Variants in SLC4A4 observed in about 807,000 individuals in gnomAD.
SLC4A4 encodes the protein electrogenic sodium bicarbonate cotransporter 1.
A neutral mutation model predicts 111.5 loss-of-function variants in SLC4A4; 27 were observed. The observed-to-expected ratio is 0.24, with a 90% confidence interval of 0.18 to 0.33. The LOEUF is 0.33. Ranked by LOEUF, SLC4A4 falls within the 10% of genes least tolerant of loss-of-function variation. SLC4A4 has a pLI of 1.00. For synonymous variants in SLC4A4, 443 were observed against 463.4 expected (o/e 0.96, Z 0.57); for missense variants, 909 against 1,315.5 (o/e 0.69, Z 4.78).
chr4:71,258,334 C>T lies in SLC4A4; in HGVS notation c.253+2935C>T, dbSNP rs553501279. ...TTCTGGCTTTTAAATTTTACCTCTT[C>T]AGAGAGTCCTTTCCTTACTACTCTC... On this transcript the variant is annotated intron_variant, in intron 3 of 25. Transcript: ENST00000264485. 3.7e-3 allele frequency among the ~76,000 whole-genome samples: 563 copies of T among 152,326 alleles called. 2 individuals are homozygous for T. Among genetic ancestry groups the T allele is most frequent in the Non-Finnish European group, 5.5e-3 (371 of 68,032 alleles).
chr4:71,394,993 G>C (rs193045998), intron 6 of SLC4A4, among the ~76,000 whole-genome samples: 1 of 152,240 alleles, frequency 6.6e-6, no homozygotes. Context: ...TGGGTGATGA[G>C]TGCATCAAAA....
chr4:71,100,576 A>G, intron 2 of SLC4A4, among the ~76,000 whole-genome samples: 1 of 152,194 alleles, frequency 6.6e-6, no homozygotes, highest in East Asian at 1.9e-4. Flanking sequence ...TATTCAACAT[A>G]GTATTGTAAG....
At chr4:71,135,785 A>G (rs911515951) in intron 2 of SLC4A4, among the ~76,000 whole-genome samples, 1 of 151,506 alleles carries the variant, frequency 6.6e-6, no homozygotes, top group African/African-American at 2.4e-5. Flanking sequence ...TTATGAGTTC[A>G]CCTTTTTTAG....
At chr4:71,363,321 C>G (rs1038886375) in intron 6 of SLC4A4, among the ~76,000 whole-genome samples, 1 of 152,182 alleles carries the variant, frequency 6.6e-6, no homozygotes, top group African/African-American at 2.4e-5. Flanking sequence ...CCCATTCAGA[C>G]TATTTGGTTT....
At chr4:71,388,237 ATTG>A (rs965412927) in intron 6 of SLC4A4, among the ~76,000 whole-genome samples, 45 of 152,062 alleles carry the variant, frequency 3.0e-4, no homozygotes, top group African/African-American at 8.0e-4. Flanking sequence ...TTTCTTCATA[ATTG>A]TTGTGTGTGT....
At chr4:71,350,617 A>G (rs900516812) in intron 5 of SLC4A4, among the ~76,000 whole-genome samples, 4 of 152,176 alleles carry the variant, frequency 2.6e-5, no homozygotes, top group African/African-American at 9.7e-5. Flanking sequence ...AGAACCAAGT[A>G]TATGTACATC....
At chr4:71,519,720 C>T (rs551046354) in intron 16 of SLC4A4, among the ~76,000 whole-genome samples, 18 of 152,196 alleles carry the variant, frequency 1.2e-4, no homozygotes, top group African/African-American at 3.9e-4. Flanking sequence ...CTGTAACCTC[C>T]GCCTCCTGGG....
chr4:71,177,772 G>A (rs1413653716), intron 2 of SLC4A4, among the ~76,000 whole-genome samples: 6 of 151,868 alleles, frequency 4.0e-5, no homozygotes, highest in Non-Finnish European at 8.8e-5. Context: ...CAGATGAATG[G>A]GACAGAAAGT....
intron 1 of SLC4A4, among the ~76,000 whole-genome samples, chr4:71,190,538 G>A (rs894281697): frequency 6.6e-6 from 1 of 152,100 alleles, no homozygotes; most frequent in African/African-American, 2.4e-5. Context: ...GGTAGTCTCA[G>A]CAGTGCAATG....
rs958118672 is a variant in SLC4A4, at chr4:71,255,088, C to T, written c.74-132C>T. On this transcript the variant is annotated intron_variant, in intron 2 of 25. Transcript: ENST00000264485. The stretch of plus-strand genomic sequence containing the variant: ...AAAATTGGGAGGAAATTTTATTTTT[C>T]TAGAGTTTGCCAAATATAGAATGGT... 5 of 929,124 alleles carry T rather than the reference C, an allele frequency of 5.4e-6. No homozygotes were observed. In the Admixed American group the frequency reaches 5.4e-5, roughly 10 times the overall value. The allele number at this position is 929,124 out of a possible 1,614,324, so 57.6% of individuals were successfully genotyped here.
At chr4:71,108,866 A>T (rs187684421) in intron 2 of SLC4A4, among the ~76,000 whole-genome samples, 14 of 152,088 alleles carry the variant, frequency 9.2e-5, no homozygotes, top group African/African-American at 3.1e-4. Flanking sequence ...TTGGTATTTC[A>T]ATCTGTTCAG....
rs187428186 is a variant in SLC4A4, at chr4:71,089,746, G to T, written c.-64-2984G>T. Among the ~76,000 whole-genome samples, 12 of 152,002 alleles carry T rather than the reference G, an allele frequency of 7.9e-5. No homozygotes were observed. In the South Asian group the frequency reaches 2.5e-3, roughly 32 times the overall value. ...GAAGAGCAAATGTTGCTGCCTGATC[G>T]TTCGTCTGGAAATTTTGTCTCAGAG... On this transcript the variant is annotated intron_variant, in intron 1 of 26. Coordinates refer to the SLC4A4 transcript ENST00000649996.
intron 20 of SLC4A4, among the ~76,000 whole-genome samples, chr4:71,548,659 T>C (rs1486459632): frequency 2.0e-5 from 3 of 151,930 alleles, no homozygotes; most frequent in Admixed American, 6.6e-5. Flanking sequence ...TCTCTTACAA[T>C]TTTTATTTTT....
intron 2 of SLC4A4, among the ~76,000 whole-genome samples, chr4:71,242,271 G>A (rs1028966292): frequency 2.0e-4 from 31 of 152,148 alleles, no homozygotes; most frequent in African/African-American, 7.2e-4. Context: ...ACTTATAGCA[G>A]TTTTGCCTAT....
At chr4:71,443,544 G>T (rs1724965698) in intron 8 of SLC4A4, among the ~76,000 whole-genome samples, 1 of 152,152 alleles carries the variant, frequency 6.6e-6, no homozygotes, top group South Asian at 2.1e-4. Flanking sequence ...CAGCATCAGT[G>T]CTGGGAATAG....
chr4:71,371,378 G>A (rs904233256), intron 6 of SLC4A4, among the ~76,000 whole-genome samples: 1 of 151,426 alleles, frequency 6.6e-6, no homozygotes, highest in Non-Finnish European at 1.5e-5. Flanking sequence ...CAAGTGGCTG[G>A]GATTACAGGC....
At position 71,373,068 on chromosome 4, in the gene SLC4A4, T is replaced by C. The variant is rs180815146; in HGVS notation, c.730+15881T>C. On this transcript the variant is annotated intron_variant, in intron 6 of 25. Transcript: ENST00000264485. ...GACTAAATTAAAATTACATAATTTTTCTCTGGCTCTAGGGTCTTCATAAAG... is the reference window on the plus strand; with the variant it reads ...GACTAAATTAAAATTACATAATTTTCCTCTGGCTCTAGGGTCTTCATAAAG... Among the ~76,000 whole-genome samples the C allele has an allele frequency of 5.4e-4, 83 of 152,332 alleles. 1 individual carries two copies. Among genetic ancestry groups the C allele is most frequent in the Admixed American group, 9.8e-4 (15 of 15,304 alleles).
chr4:71,566,678 C>G (rs933104050), intron 24 of SLC4A4, among the ~76,000 whole-genome samples: 2 of 151,524 alleles, frequency 1.3e-5, no homozygotes, highest in Non-Finnish European at 3.0e-5. Flanking sequence ...GCAGGCAAAC[C>G]TAGGAATACT....
chr4:71,474,018 T>C (rs1272184353), intron 14 of SLC4A4, among the ~76,000 whole-genome samples: 1 of 151,248 alleles, frequency 6.6e-6, no homozygotes, highest in East Asian at 2.0e-4. Flanking sequence ...CCGGGCAACA[T>C]TATGAAACCC....
Sources: allele counts gnomAD v4.1 joint callset (sites outside exome capture counted in the v4.1 genomes callset), GRCh38; gene constraint gnomAD v4.1.1; transcripts MANE v1.5; gene names NCBI Gene and HGNC (gene_info 2026-07-23, HGNC 2026-07-21).